The following HORMAD2 variants were observed in gnomAD, a reference collection of about 807,000 sequenced individuals.
The protein encoded by HORMAD2 is HORMA domain containing 2.
In HORMAD2, 45 loss-of-function variants were observed where a neutral mutation model predicts 38.8. That is an observed-to-expected ratio of 1.16 (90% CI 0.91 to 1.49). The LOEUF (loss-of-function observed/expected upper bound fraction) is 1.49. Ranked by LOEUF, HORMAD2 falls within the 40% of genes most tolerant of loss-of-function variation. The pLI, the probability that HORMAD2 is intolerant of heterozygous loss-of-function variation, is 0.00. For missense variants in HORMAD2, 338 were observed against 367.0 expected, an observed-to-expected ratio of 0.92 and a Z score of 0.65; for synonymous variants, 126 against 122.8, an observed-to-expected ratio of 1.03 and a Z score of -0.17.
intron 10 of HORMAD2, among the ~76,000 whole-genome samples, chr22:30,151,795 C>G (rs909720211): frequency 4.6e-5 from 7 of 152,266 alleles, no homozygotes; most frequent in African/African-American, 1.4e-4. Context: ...GACATAGATA[C>G]TTTCATAGGA....
the HORMAD2 span, among the ~76,000 whole-genome samples, chr22:30,205,537 C>T: frequency 6.6e-6 from 1 of 152,276 alleles, no homozygotes; most frequent in South Asian, 2.1e-4. Flanking sequence ...TCCCCAACAG[C>T]CCCAGCACAG....
At chr22:30,136,435 G>A (rs925641683) in intron 10 of HORMAD2, among the ~76,000 whole-genome samples, 4 of 151,912 alleles carry the variant, frequency 2.6e-5, no homozygotes, top group South Asian at 4.2e-4. Context: ...AAAAAAACCC[G>A]TATTCTTTAG....
At chr22:30,099,634 C>T (rs1920930092) in intron 3 of HORMAD2, among the ~76,000 whole-genome samples, 1 of 152,158 alleles carries the variant, frequency 6.6e-6, no homozygotes, top group South Asian at 2.1e-4. Flanking sequence ...TGCCTGTAAT[C>T]CCAACACTTT....
At chr22:30,172,867 G>A (rs575001522) in intron 10 of HORMAD2, among the ~76,000 whole-genome samples, 2 of 149,846 alleles carry the variant, frequency 1.3e-5, no homozygotes, top group Admixed American at 1.3e-4. Context: ...TAGCCTGGGC[G>A]ACAGAATGAG....
intron 10 of HORMAD2, among the ~76,000 whole-genome samples, chr22:30,163,723 C>T (rs1243061674): frequency 4.6e-5 from 7 of 152,228 alleles, no homozygotes; most frequent in African/African-American, 7.2e-5. Flanking sequence ...CCACCACGCC[C>T]GGCCATGTGC....
At chr22:30,164,131 C>CT (rs1280765390) in intron 10 of HORMAD2, among the ~76,000 whole-genome samples, 1 of 152,164 alleles carries the variant, frequency 6.6e-6, no homozygotes, top group African/African-American at 2.4e-5. Flanking sequence ...ATCAGAATAT[C>CT]TTTCCTTTTA....
intron 10 of HORMAD2, among the ~76,000 whole-genome samples, chr22:30,144,394 C>G (rs1924278662): frequency 6.6e-6 from 1 of 152,228 alleles, no homozygotes; most frequent in African/African-American, 2.4e-5. Flanking sequence ...CTACCAATCT[C>G]CTTCCAATTG....
the HORMAD2 span, among the ~76,000 whole-genome samples, chr22:30,200,939 A>G: frequency 1.3e-5 from 2 of 151,592 alleles, no homozygotes; most frequent in Admixed American, 6.6e-5. Flanking sequence ...TAGTAGAGAC[A>G]AGGTTTCACC....
At chr22:30,177,714 G>GATTT (rs1397196777), downstream of HORMAD2, among the ~76,000 whole-genome samples, 1 of 121,662 alleles carries the variant, frequency 8.2e-6, no homozygotes, top group Admixed American at 9.2e-5. Context: ...ATAAGGAGGA[G>GATTT]CTTTTTTTTT....
rs564260186 is a variant in HORMAD2 at position 30,128,334 on chromosome 22, T to C, written c.819+6120T>C. Among the ~76,000 whole-genome samples, 5 of 152,330 alleles carry C rather than the reference T, an allele frequency of 3.3e-5. No homozygotes were observed. In the South Asian group the frequency reaches 1.0e-3, roughly 32 times the overall value. On this transcript the variant is annotated intron_variant, in intron 10 of 10. Coordinates refer to ENST00000336726, the MANE Select transcript of HORMAD2 (RefSeq NM_152510.4). ...TCCAGTATTTTTTCATTGATTTATATATTTGTATATGGTTTTAATCATGGT... is the reference window on the plus strand; with the variant it reads ...TCCAGTATTTTTTCATTGATTTATACATTTGTATATGGTTTTAATCATGGT...
chr22:30,082,667 G>A (rs1012208968), intron 1 of HORMAD2, among the ~76,000 whole-genome samples: 10 of 151,758 alleles, frequency 6.6e-5, no homozygotes, highest in African/African-American at 2.4e-4. Flanking sequence ...GGTGGTGCAT[G>A]CATATAGTCT....
intron 10 of HORMAD2, among the ~76,000 whole-genome samples, chr22:30,146,305 A>G (rs1924411187): frequency 6.6e-6 from 1 of 152,056 alleles, no homozygotes. Flanking sequence ...ATCCTGTCCA[A>G]CATGGTGAAA....
intron 5 of HORMAD2, among the ~76,000 whole-genome samples, chr22:30,110,094 A>G (rs895179396): frequency 2.0e-5 from 3 of 152,206 alleles, no homozygotes; most frequent in African/African-American, 7.2e-5. Context: ...ATACAAATAA[A>G]AAATACAGTG....
intron 10 of HORMAD2, among the ~76,000 whole-genome samples, chr22:30,143,977 C>A (rs1182852403): frequency 6.6e-6 from 1 of 152,208 alleles, no homozygotes; most frequent in African/African-American, 2.4e-5. Flanking sequence ...GAGGCCCTCA[C>A]CAGAAGCTGA....
At chr22:30,191,924 T>TA in the HORMAD2 span, among the ~76,000 whole-genome samples, 2,529 of 150,350 alleles carry the variant, frequency 0.017, 65 homozygotes, top group African/African-American at 0.057. Context: ...TCCCATCATG[T>TA]AAAAAAAAAA....
chr22:30,172,455 A>T (rs978415896), intron 10 of HORMAD2, among the ~76,000 whole-genome samples: 61 of 152,330 alleles, frequency 4.0e-4, no homozygotes, highest in Middle Eastern at 3.4e-3. Flanking sequence ...TGTCTCCTTG[A>T]TCTTTGTATT....
intron 10 of HORMAD2, among the ~76,000 whole-genome samples, chr22:30,130,473 C>T (rs1310968499): frequency 1.3e-5 from 2 of 152,060 alleles, no homozygotes; most frequent in Non-Finnish European, 2.9e-5. Flanking sequence ...CAAGGAATCC[C>T]GGGACAATAC....
chr22:30,158,605 C>T (rs1383097238), intron 10 of HORMAD2, among the ~76,000 whole-genome samples: 1 of 112,070 alleles, frequency 8.9e-6, no homozygotes, highest in Non-Finnish European at 1.8e-5. Context: ...TTCCCTCCCT[C>T]CCTCCGTCCC....
chr22:30,111,914 AC>A, intron 6 of HORMAD2, 98 bp downstream of exon 6: 2 of 874,412 alleles, frequency 2.3e-6, no homozygotes, highest in South Asian at 1.9e-5. Flanking sequence ...TTCCTCCCTG[AC>A]TTTTTTTTTT....
Sources: allele counts gnomAD v4.1 joint callset (sites outside exome capture counted in the v4.1 genomes callset), GRCh38; gene constraint gnomAD v4.1.1; transcripts MANE v1.5; gene names NCBI Gene and HGNC (gene_info 2026-07-23, HGNC 2026-07-21).